ZNF570: variants seen among roughly 807,000 people sequenced by gnomAD.
The protein encoded by ZNF570 is zinc finger protein 570.
Under a neutral mutation model 14.2 loss-of-function variants are expected in ZNF570, and 8 were observed. The ratio of observed to expected loss-of-function variants is 0.56; its 90% CI spans 0.33 to 1.02. ZNF570 has a LOEUF of 1.02. Ranked by LOEUF, ZNF570 falls within the 50% of genes least tolerant of loss-of-function variation. The pLI is 0.03. For missense variants in ZNF570, 559 were observed against 624.9 expected, an observed-to-expected ratio of 0.89 and a Z score of 1.12; for synonymous variants, 202 against 207.6, an observed-to-expected ratio of 0.97 and a Z score of 0.23.
At chr19:37,471,888 C>A (rs886763076) in intron 2 of ZNF570, among the ~76,000 whole-genome samples, 2 of 150,444 alleles carry the variant, frequency 1.3e-5, no homozygotes, top group African/African-American at 4.9e-5. Context: ...TTAGAGACTT[C>A]AAAATACATC....
At chr19:37,477,914 C>T (rs2042045554) in intron 4 of ZNF570, among the ~76,000 whole-genome samples, 1 of 152,078 alleles carries the variant, frequency 6.6e-6, no homozygotes. Context: ...ATGGGTTTGA[C>T]TTTAAGCTTT....
At position 37,485,365 on chromosome 19, in the gene ZNF570, C is replaced by T; in HGVS notation, c.*132C>T. On this transcript the variant is annotated 3_prime_UTR_variant, in exon 5 of 5. Coordinates refer to ENST00000330173, the MANE Select transcript of ZNF570 (RefSeq NM_144694.5). ...GTTTTCCTGTATTTATTTTTGCTAC[C>T]TTTAAATCCATTTCCCACAATGCAC... The T allele has an allele frequency of 1.1e-6, 1 of 917,038 alleles. No homozygotes were observed. The highest frequency in any genetic ancestry group is 1.5e-6 in the Non-Finnish European group (1 of 654,150). 56.8% of individuals were successfully genotyped at this position (917,038 alleles called of 1,614,324 possible). A position where few individuals can be genotyped will look rare whatever the true frequency, so the allele number is the denominator to read the frequency against.
chr19:37,470,322 A>G lies in ZNF570; in HGVS notation c.-33A>G, dbSNP rs777436691. ...ATCTCAGTCATCTGAGGCCACTGCT[A>G]TTTCCCAAGAGAAGAGCCAGGAGGA... is the stretch of plus-strand genomic sequence containing the variant. On this transcript the variant is annotated 5_prime_UTR_variant, in exon 2 of 5. Transcript: ENST00000330173. 15 of 1,613,936 alleles carry G rather than the reference A, an allele frequency of 9.3e-6. No individual in the cohort carries two copies. The highest frequency in any genetic ancestry group is 1.3e-5 in the African/African-American group (1 of 74,904).
chr19:37,471,708 C>T (rs1051791038), intron 2 of ZNF570, among the ~76,000 whole-genome samples: 21 of 152,020 alleles, frequency 1.4e-4, no homozygotes, highest in African/African-American at 4.8e-4. Flanking sequence ...GAGCCATTGG[C>T]GGTTTTGGAA....
chr19:37,483,774 G>C, intron 4 of ZNF570, 105 bp from the exon 5 acceptor site: 4 of 1,215,418 alleles, frequency 3.3e-6, no homozygotes, highest in Non-Finnish European at 4.5e-6. Context: ...TGTTCCTGTG[G>C]GTTTTGCTAT....
Position 37,484,598 on chromosome 19 carries a change from G to T in ZNF570, c.976G>T (p.Gly326Ter). ...TGCTCAACATCAGAGAGTTCACACG[G>T]GAGAGAAACCCTATGAATGTATCGA... The part of the protein sequence containing the change: ...YLAQHQRVHT[G>*]EKPYECIECG... Residue 326 changes from glycine to a stop codon, truncating the protein, a stop_gained, in exon 5 of 5, where the codon GGA (glycine) becomes TGA (stop). Transcript: ENST00000330173. LOFTEE classifies it low-confidence loss of function (END_TRUNC). 6.2e-7 allele frequency: 1 copy of T among 1,614,026 alleles called. No homozygotes were observed. The highest frequency in any genetic ancestry group is 8.5e-7 in the Non-Finnish European group (1 of 1,179,954).
rs777243380 is a variant in ZNF570 at position 37,484,972 on chromosome 19, T to C, written c.1350T>C (p.Ala450=). 6.2e-7 allele frequency: 1 copy of C among 1,613,920 alleles called. No individual in the cohort carries two copies. The highest frequency in any genetic ancestry group is 8.5e-7 in the Non-Finnish European group (1 of 1,179,952). Residue 450 remains alanine (A), a synonymous_variant, in exon 5 of 5, where the codon GCT becomes GCC. Coordinates refer to ENST00000330173, the MANE Select transcript of ZNF570 (RefSeq NM_144694.5). Reference sequence around the variant, plus strand: ...ATGAATGTATTGAATGTGGGAAGGCTTTTAGCAATGACTCGTCCCTTACTC... The same window carrying C: ...ATGAATGTATTGAATGTGGGAAGGCCTTTAGCAATGACTCGTCCCTTACTC... ...KPYECIECGK[A]FSNDSSLTQH... is the part of the protein sequence containing the mutation.
chr19:37,479,063 A>G (rs1279018796), intron 4 of ZNF570, among the ~76,000 whole-genome samples: 1 of 151,068 alleles, frequency 6.6e-6, no homozygotes, highest in East Asian at 1.9e-4. Context: ...TGTTTTTTGA[A>G]TGTTTGGTAG....
Position 37,476,344 on chromosome 19 carries a change from T to A in ZNF570, c.166T>A (p.Cys56Ser), listed in dbSNP as rs762132996. 5 of 1,613,540 alleles carry A rather than the reference T, an allele frequency of 3.1e-6. No individual in the cohort carries two copies. The highest frequency in any genetic ancestry group is 3.4e-6 in the Non-Finnish European group (4 of 1,179,908). ...NYRILVSLGL[C>S]FSKPSVILLL... ...TTTTTTTTTCGTATTTGCAGGACTT[T>A]GCTTTTCCAAACCAAGTGTGATATT... The change falls in exon 4 of 5, where the codon TGC becomes AGC. Residue 56 changes from cysteine to serine, a missense_variant. Transcript: ENST00000330173.
Position 37,484,435 on chromosome 19 carries a change from A to G in ZNF570, c.813A>G (p.Glu271=). 1.2e-6 allele frequency: 2 copies of G among 1,614,006 alleles called. No individual in the cohort carries two copies. The highest frequency in any genetic ancestry group is 1.7e-6 in the Non-Finnish European group (2 of 1,179,962). ...AACATCAGAGGATTCATACTGGAGA[A>G]AAACCCTATGAATGTAAGGAATGTA... is the stretch of plus-strand genomic sequence containing the variant. ...LVQHQRIHTG[E]KPYECKECRK... Residue 271 remains glutamate, a synonymous_variant, in exon 5 of 5, where the codon GAA becomes GAG. Transcript: ENST00000330173.
At position 37,478,590 on chromosome 19, in the gene ZNF570, G is replaced by A. The variant is rs567057880; in HGVS notation, c.256+2156G>A. On this transcript the variant is annotated intron_variant, in intron 4 of 4. Coordinates refer to ENST00000330173, the MANE Select transcript of ZNF570 (RefSeq NM_144694.5). ...CCAGTATAATATGAATCGAAGTAGT[G>A]ATAACAGGCATTCTTGTCCACTTCC... Among the ~76,000 whole-genome samples, 29 of 142,664 alleles carry A rather than the reference G, an allele frequency of 2.0e-4. 1 individual carries two copies. Among genetic ancestry groups the A allele is most frequent in the Non-Finnish European group, 4.0e-4 (25 of 61,798 alleles). The allele number at this position is 142,664 out of a possible 152,430, so 93.6% of individuals were successfully genotyped here.
rs1245017853 is a variant in ZNF570, at chr19:37,470,395, G to C, written c.33+8G>C. On this transcript the variant is annotated splice_region_variant and intron_variant, in intron 2 of 4. Coordinates refer to ENST00000330173, the MANE Select transcript of ZNF570 (RefSeq NM_144694.5). ...CTTAAAGCCATGTACCAGGTGTGTTGGTGTTTTCTCGATTTCCTGAATACC... is the reference window on the plus strand; with the variant it reads ...CTTAAAGCCATGTACCAGGTGTGTTCGTGTTTTCTCGATTTCCTGAATACC... 2 of 1,612,692 alleles carry C rather than the reference G, an allele frequency of 1.2e-6. No homozygotes were observed. Among genetic ancestry groups the C allele is most frequent in the African/African-American group, 1.3e-5 (1 of 74,848 alleles).
intron 4 of ZNF570, among the ~76,000 whole-genome samples, chr19:37,480,752 A>T (rs2042077979): frequency 6.6e-6 from 1 of 152,022 alleles, no homozygotes; most frequent in African/African-American, 2.4e-5. Flanking sequence ...TAGGAGTTTG[A>T]GACCAGCCTG....
chr19:37,468,071 G>GTTTTTTTTTT (rs35295578), upstream of ZNF570: 1 of 545,708 alleles, frequency 1.8e-6, no homozygotes. Flanking sequence ...TGCCTTTCGT[G>GTTTTTTTTTT]TTTTTTTTTT....
intron 1 of ZNF570, chr19:37,469,797 C>T (rs777918869): frequency 9.8e-5 from 56 of 571,874 alleles, no homozygotes; most frequent in Non-Finnish European, 1.8e-4. Context: ...AAAGGGTGCC[C>T]GTGTGAGGCA....
chr19:37,474,737 G>A (rs1030174862), intron 2 of ZNF570, among the ~76,000 whole-genome samples: 1 of 152,102 alleles, frequency 6.6e-6, no homozygotes, highest in Non-Finnish European at 1.5e-5. Flanking sequence ...GGGATTACAG[G>A]TGTGAGCCAT....
chr19:37,477,321 G>GTGTGTGTGTT (rs2042038669), intron 4 of ZNF570, among the ~76,000 whole-genome samples: 11 of 149,974 alleles, frequency 7.3e-5, no homozygotes, highest in African/African-American at 2.5e-4. Context: ...GTGTGTGTGT[G>GTGTGTGTGTT]TGTGTGTGTG....
chr19:37,470,029 C>T (rs2041928907), intron 1 of ZNF570: 1 of 340,522 alleles, frequency 2.9e-6, no homozygotes, highest in African/African-American at 2.1e-5. Context: ...GATCTTGGTG[C>T]TCTTATTTGT....
chr19:37,485,315 G>T lies in ZNF570; in HGVS notation c.*82G>T. The T allele has an allele frequency of 7.6e-7, 1 of 1,319,160 alleles. No individual in the cohort carries two copies. Among genetic ancestry groups the T allele is most frequent in the South Asian group, 1.8e-5 (1 of 56,914 alleles). 81.7% of individuals were successfully genotyped at this position (1,319,160 alleles called of 1,614,324 possible). On this transcript the variant is annotated 3_prime_UTR_variant, in exon 5 of 5. Transcript: ENST00000330173. The stretch of plus-strand genomic sequence containing the variant: ...ACCTTGGTCTGATTCATCTCACTCT[G>T]ATTACTAATATAGCTTTCAAACAGG...
Sources: allele counts gnomAD v4.1 joint callset (sites outside exome capture counted in the v4.1 genomes callset), GRCh38; gene constraint gnomAD v4.1.1; transcripts MANE v1.5; gene names NCBI Gene and HGNC (gene_info 2026-07-23, HGNC 2026-07-21).